Variants in PCLO observed in about 807,000 individuals in gnomAD.
The protein encoded by PCLO is piccolo presynaptic cytomatrix protein.
Under a neutral mutation model 427.5 loss-of-function variants are expected in PCLO, and 82 were observed. The observed-to-expected ratio is 0.19, with a 90% CI of 0.16 to 0.23. PCLO has a LOEUF of 0.23. Among genes scored for constraint, PCLO ranks in the 10% least tolerant of loss-of-function variants. The pLI is 1.00. For missense variants in PCLO, 6,239 were observed against 6,115.9 expected (o/e 1.02, Z -0.67); for synonymous variants, 2,357 against 2,155.4 (o/e 1.09, Z -2.59).
At chr7:83,122,265 C>A (rs1339816905) in intron 3 of PCLO, among the ~76,000 whole-genome samples, 1 of 145,358 alleles carries the variant, frequency 6.9e-6, no homozygotes, top group Non-Finnish European at 1.5e-5. Flanking sequence ...GCACTCTTTC[C>A]TTCTTTCTTT....
intron 6 of PCLO, among the ~76,000 whole-genome samples, chr7:82,933,874 A>C (rs1279890987): frequency 6.6e-6 from 1 of 151,914 alleles, no homozygotes; most frequent in African/African-American, 2.4e-5. Context: ...TGTAAACTTT[A>C]ATGTGGTGCC....
At chr7:82,799,548 T>C (rs904592389) in intron 22 of PCLO, among the ~76,000 whole-genome samples, 1 of 152,172 alleles carries the variant, frequency 6.6e-6, no homozygotes, top group Non-Finnish European at 1.5e-5. Flanking sequence ...GCTGGCCCTA[T>C]ACTTATATGC....
chr7:83,020,496 T>C (rs1449401650), intron 3 of PCLO, among the ~76,000 whole-genome samples: 1 of 148,636 alleles, frequency 6.7e-6, no homozygotes, highest in East Asian at 1.9e-4. Context: ...CTAGCTTACA[T>C]CACTTTTACT....
intron 4 of PCLO, among the ~76,000 whole-genome samples, chr7:82,958,662 C>T (rs1023429288): frequency 6.6e-6 from 1 of 152,038 alleles, no homozygotes; most frequent in Non-Finnish European, 1.5e-5. Context: ...CTATACTGTA[C>T]CAATTTGAAT....
chr7:83,132,297 A>G (rs1791594594), intron 3 of PCLO, among the ~76,000 whole-genome samples: 1 of 152,078 alleles, frequency 6.6e-6, no homozygotes, highest in Non-Finnish European at 1.5e-5. Context: ...AGAGCAAAAT[A>G]ATTTGAACAA....
At chr7:83,091,594 C>A (rs1258710946) in intron 3 of PCLO, among the ~76,000 whole-genome samples, 1 of 152,106 alleles carries the variant, frequency 6.6e-6, no homozygotes, top group African/African-American at 2.4e-5. Context: ...TTTTGCTAAA[C>A]ACTCTTGGGA....
chr7:82,951,739 C>G (rs1795355259), intron 5 of PCLO, 117 bp downstream of exon 5: 2 of 1,408,118 alleles, frequency 1.4e-6, no homozygotes, highest in Non-Finnish European at 1.9e-6. Context: ...GCTATAACAT[C>G]CAAAGAAAGA....
intron 3 of PCLO, among the ~76,000 whole-genome samples, chr7:83,018,381 G>C (rs1374305030): frequency 1.3e-5 from 2 of 151,920 alleles, no homozygotes; most frequent in African/African-American, 4.8e-5. Flanking sequence ...CAGGGAATCA[G>C]TTGTGATACA....
intron 3 of PCLO, among the ~76,000 whole-genome samples, chr7:83,001,005 G>A (rs2115921117): frequency 6.6e-6 from 1 of 151,942 alleles, no homozygotes; most frequent in Admixed American, 6.6e-5. Context: ...AAATTAAAGT[G>A]TACTACTTTC....
intron 22 of PCLO, among the ~76,000 whole-genome samples, chr7:82,797,882 T>G (rs73706724): frequency 6.6e-6 from 1 of 152,074 alleles, no homozygotes; most frequent in Admixed American, 6.6e-5. Context: ...AGAAAATGAC[T>G]AAGTGGAAAA....
At chr7:83,160,486 T>C (rs920837322) in intron 1 of PCLO, among the ~76,000 whole-genome samples, 1 of 152,156 alleles carries the variant, frequency 6.6e-6, no homozygotes, top group African/African-American at 2.4e-5. Context: ...TAAAAAGTTA[T>C]GTACCTTTTA....
At chr7:83,024,277 G>A (rs1373200575) in intron 3 of PCLO, among the ~76,000 whole-genome samples, 2 of 152,210 alleles carry the variant, frequency 1.3e-5, no homozygotes, top group Non-Finnish European at 2.9e-5. Context: ...GCAGGGTGAG[G>A]CATTGCCTCA....
At chr7:82,840,365 T>C (rs77213301) in intron 14 of PCLO, among the ~76,000 whole-genome samples, 9,229 of 152,150 alleles carry the variant, frequency 0.061, 382 homozygotes, top group East Asian at 0.16. Flanking sequence ...TCCTGGATAA[T>C]CACTTAATTG....
chr7:82,938,084 T>A (rs1794998342), intron 6 of PCLO, among the ~76,000 whole-genome samples: 1 of 151,864 alleles, frequency 6.6e-6, no homozygotes, highest in Non-Finnish European at 1.5e-5. Flanking sequence ...GAAAACAACA[T>A]AAAGCATCAT....
At chr7:82,861,669 C>A (rs12707528) in intron 10 of PCLO, among the ~76,000 whole-genome samples, 27,248 of 151,920 alleles carry the variant, frequency 0.18, 2,730 homozygotes, top group Middle Eastern at 0.22. Flanking sequence ...CCAAGAGCTG[C>A]GGAATACACA....
Position 83,162,411 on chromosome 7 carries a change from G to T in PCLO, c.182C>A (p.Ser61Ter). ...TCCCTTGGGCAGCCCCTGCGCCCTT[G>T]ACATGACAGCGGCGATCTGTCTCCT... The part of the protein sequence containing the change: ...EERRQIAAVM[S>*]RAQGLPKGSV... The change falls in exon 1 of 25, where the codon TCA becomes TAA. Residue 61 changes from serine (S) to a stop codon, truncating the protein, a stop_gained. Transcript: ENST00000333891. LOFTEE classifies it high-confidence loss of function. 6.3e-7 allele frequency: 1 copy of T among 1,598,604 alleles called. No homozygotes were observed.
intron 3 of PCLO, among the ~76,000 whole-genome samples, chr7:83,127,983 T>C (rs1167270735): frequency 2.0e-5 from 3 of 152,008 alleles, no homozygotes; most frequent in African/African-American, 7.2e-5. Context: ...ATCACACAAA[T>C]ATGCTATGCT....
At chr7:82,775,255 A>G (rs1583960735) in intron 22 of PCLO, among the ~76,000 whole-genome samples, 1 of 152,196 alleles carries the variant, frequency 6.6e-6, no homozygotes, top group Non-Finnish European at 1.5e-5. Context: ...TAAATATTAA[A>G]TAGCATGATT....
chr7:82,818,264 T>C (rs1791717816), intron 20 of PCLO, among the ~76,000 whole-genome samples: 1 of 152,128 alleles, frequency 6.6e-6, no homozygotes, highest in Admixed American at 6.6e-5. Context: ...AATTCTTGTT[T>C]GACCCATATT....
Sources: allele counts gnomAD v4.1 joint callset (sites outside exome capture counted in the v4.1 genomes callset), GRCh38; gene constraint gnomAD v4.1.1; transcripts MANE v1.5; gene names NCBI Gene and HGNC (gene_info 2026-07-23, HGNC 2026-07-21).